The following PPEF2 variants were observed in gnomAD, a reference collection of about 807,000 sequenced individuals.
PPEF2 encodes the protein serine/threonine-protein phosphatase with EF-hands 2.
PPEF2 carries 84 observed loss-of-function variants against 84.7 expected under a neutral mutation model. The ratio of observed to expected loss-of-function variants is 0.99; its 90% confidence interval spans 0.83 to 1.19. The LOEUF is 1.19. PPEF2 is among the 50% of genes most tolerant of loss of function. The pLI, the probability that PPEF2 is intolerant of heterozygous loss-of-function variation, is 0.00. For missense variants in PPEF2, 924 were observed against 937.5 expected, an observed-to-expected ratio of 0.99 and a Z score of 0.19; for synonymous variants, 346 against 345.2, an observed-to-expected ratio of 1.00 and a Z score of -0.03.
intron 14 of PPEF2, among the ~76,000 whole-genome samples, 156 bp downstream of exon 14, chr4:75,867,157 A>C (rs1447284921): frequency 6.6e-6 from 1 of 152,206 alleles, no homozygotes; most frequent in Non-Finnish European, 1.5e-5. Context: ...TAGTTAGAAT[A>C]AATGAGACAT....
At position 75,876,519 on chromosome 4, in the gene PPEF2, G is replaced by A. The variant is rs1303282455; in HGVS notation, c.1088C>T (p.Ser363Phe). The A allele has an allele frequency of 2.5e-6, 4 of 1,614,016 alleles. No individual in the cohort carries two copies. In the East Asian group the frequency reaches 6.7e-5, roughly 27 times the overall value. The change falls in exon 11 of 17, where the codon TCC (serine) becomes TTC (phenylalanine). Residue 363 changes from serine to phenylalanine, a missense_variant. Transcript: ENST00000286719. ...CCTGCTGGTTTTCTGGGCCTTGTAG[G>A]AGCCAAGCCGAAGGGGCGAAGAGGG... Reference protein sequence around the residue: ...SLPSSPLRLGSYKAQKTSRSS... With the variant: ...SLPSSPLRLGFYKAQKTSRSS...
At chr4:75,896,119 C>T in intron 2 of PPEF2, 152 bp downstream of exon 2, 3 of 779,326 alleles carry the variant, frequency 3.8e-6, no homozygotes, top group Non-Finnish European at 6.7e-6. Context: ...TTTTGGTGGG[C>T]ATGTCACAAG....
chr4:75,883,126 T>C (rs1724621521), intron 9 of PPEF2, 40 bp downstream of exon 9: 1 of 1,613,766 alleles, frequency 6.2e-7, no homozygotes, highest in African/African-American at 1.3e-5. Flanking sequence ...ACTCAACTTA[T>C]CTGAACTGAG....
chr4:75,885,603 G>A (rs1052644156), intron 7 of PPEF2, among the ~76,000 whole-genome samples: 4 of 152,140 alleles, frequency 2.6e-5, no homozygotes, highest in Admixed American at 1.3e-4. Context: ...AGTGGCTCAC[G>A]CCTGTAATAC....
intron 16 of PPEF2, 68 bp from the exon 17 acceptor site, chr4:75,860,988 C>G: frequency 6.5e-7 from 1 of 1,541,186 alleles, no homozygotes; most frequent in Non-Finnish European, 8.9e-7. Flanking sequence ...CTCTGACATT[C>G]TTACAAGGAC....
chr4:75,870,623 T>C (rs1198432684), intron 13 of PPEF2, among the ~76,000 whole-genome samples: 10 of 152,172 alleles, frequency 6.6e-5, no homozygotes, highest in African/African-American at 1.2e-4. Context: ...TAGGAGGCAA[T>C]ATTGCATAGA....
rs1227287504 is a variant in PPEF2, at chr4:75,864,453, G to C, written c.1995C>G (p.Asp665Glu). 1.7e-5 allele frequency: 27 copies of C among 1,604,956 alleles called. No individual in the cohort carries two copies. The highest frequency in any genetic ancestry group is 2.2e-5 in the Non-Finnish European group (26 of 1,171,866). Residue 665 changes from aspartate to glutamate, a missense_variant, in exon 16 of 17, where the codon GAC (aspartate) becomes GAG (glutamate). Physicochemically the swap from Asp to Glu is conservative, Grantham distance 45. Coordinates refer to ENST00000286719, the MANE Select transcript of PPEF2 (RefSeq NM_006239.3). ...GAGTGCCTTTACCTGAATGATCACT[G>C]TCTATGATCCTAAAAATGGTCTCTA... The part of the protein sequence containing the change: ...SNLETIFRII[D>E]SDHSGFISLD...
chr4:75,888,459 G>A, intron 5 of PPEF2, 131 bp from the exon 6 acceptor site: 1 of 626,202 alleles, frequency 1.6e-6, no homozygotes, highest in East Asian at 2.8e-5. Flanking sequence ...ACTGCTCCTG[G>A]GACTATGCAC....
At chr4:75,881,966 G>A (rs957190923) in intron 10 of PPEF2, 2 of 152,172 alleles carry the variant, frequency 1.3e-5, no homozygotes, top group Non-Finnish European at 2.9e-5. Context: ...ATGTTGTCAT[G>A]GATGTTGTAG....
chr4:75,881,082 G>A (rs1724559815), intron 10 of PPEF2, among the ~76,000 whole-genome samples: 1 of 148,646 alleles, frequency 6.7e-6, no homozygotes, highest in Admixed American at 6.9e-5. Context: ...TTACAGGCAT[G>A]AGCCACCGCA....
intron 7 of PPEF2, 153 bp from the exon 8 acceptor site, chr4:75,884,913 G>C (rs2149223406): frequency 1.6e-6 from 1 of 641,212 alleles, no homozygotes; most frequent in East Asian, 2.8e-5. Context: ...GTAAATGATG[G>C]AAGTATCTTC....
Position 75,891,954 on chromosome 4 carries a change from T to A in PPEF2, c.80A>T (p.Gln27Leu). Residue 27 changes from glutamine (Q) to leucine (L), a missense_variant, in exon 3 of 17, where the codon CAG becomes CTG. By Grantham distance (113) the Gln-to-Leu change is moderately radical (BLOSUM62 -2). Coordinates refer to ENST00000286719, the MANE Select transcript of PPEF2 (RefSeq NM_006239.3). ...ERAFKAAALIQRWYRRYVARL... is the reference protein window; with the variant it reads ...ERAFKAAALILRWYRRYVARL... ...GGCCACGTAGCGCCGGTACCATCTC[T>A]GGATCAGGGCTGCTGCCTTGAAGGC... is the stretch of plus-strand genomic sequence containing the variant. 6.2e-7 allele frequency: 1 copy of A among 1,614,052 alleles called. No individual in the cohort carries two copies. The highest frequency in any genetic ancestry group is 1.1e-5 in the South Asian group (1 of 91,078).
chr4:75,867,177 T>C, intron 14 of PPEF2, 136 bp downstream of exon 14: 1 of 576,504 alleles, frequency 1.7e-6, no homozygotes, highest in Non-Finnish European at 3.0e-6. Context: ...TTAAGTTGAA[T>C]AAAATGGAGG....
In PPEF2 at chr4:75,860,565, A is replaced by G. The variant is rs1159233680; in HGVS notation, c.*102T>C. On this transcript the variant is annotated 3_prime_UTR_variant, in exon 17 of 17. Coordinates refer to ENST00000286719, the MANE Select transcript of PPEF2 (RefSeq NM_006239.3). ...TGATTCTGATGCATATGGATAGGTA[A>G]ATTTTCAGCATAAAGTTTCACATGG... 2.0e-6 allele frequency: 3 copies of G among 1,466,980 alleles called. No individual in the cohort carries two copies. The highest frequency in any genetic ancestry group is 2.8e-6 in the Non-Finnish European group (3 of 1,078,304). The allele number at this position is 1,466,980 out of a possible 1,614,324, so 90.9% of individuals were successfully genotyped here. A position where few individuals can be genotyped will look rare whatever the true frequency, so the allele number is the denominator to read the frequency against.
chr4:75,862,422 C>A lies in PPEF2; in HGVS notation c.2009-1502G>T, dbSNP rs892808907. 3.3e-5 allele frequency among the ~76,000 whole-genome samples: 5 copies of A among 151,688 alleles called. No individual in the cohort carries two copies. In the South Asian group the frequency reaches 8.4e-4, roughly 25 times the overall value. On this transcript the variant is annotated intron_variant, in intron 16 of 16. Coordinates refer to ENST00000286719, the MANE Select transcript of PPEF2 (RefSeq NM_006239.3). ...ATATGTCTGATACTATCCTAGTACC[C>A]AGAATATATGAATAACTCTTACAAC...
intron 10 of PPEF2, among the ~76,000 whole-genome samples, chr4:75,880,617 A>C (rs555727361): frequency 8.2e-4 from 125 of 152,156 alleles, no homozygotes; most frequent in Non-Finnish European, 1.5e-3. Context: ...GCCTCCAGAC[A>C]TACATGCAGC....
chr4:75,887,149 C>T (rs554238610), intron 6 of PPEF2, among the ~76,000 whole-genome samples: 6 of 152,172 alleles, frequency 3.9e-5, no homozygotes, highest in South Asian at 2.1e-4. Flanking sequence ...AGCAAAGATG[C>T]GATAGAATAG....
In PPEF2 at chr4:75,872,005, C is replaced by A; in HGVS notation, c.1649+20G>T. Reference sequence around the variant, plus strand: ...CACTATAATTTTTTTTTCTGAAAATCACTCATTGAAAAGTCTTGCCTTTGC... The same window carrying A: ...CACTATAATTTTTTTTTCTGAAAATAACTCATTGAAAAGTCTTGCCTTTGC... On this transcript the variant is annotated intron_variant, in intron 13 of 16. Transcript: ENST00000286719. The A allele has an allele frequency of 1.3e-6, 2 of 1,552,206 alleles. No homozygotes were observed. Among genetic ancestry groups the A allele is most frequent in the South Asian group, 1.2e-5 (1 of 82,538 alleles).
chr4:75,901,149 A>C (rs1205748190), intron 1 of PPEF2, among the ~76,000 whole-genome samples: 1 of 152,208 alleles, frequency 6.6e-6, no homozygotes, highest in Non-Finnish European at 1.5e-5. Flanking sequence ...CTGACTAAAT[A>C]GGTATCCCAT....
Sources: gnomAD v4.1 joint callset for allele counts (sites outside exome capture counted in the v4.1 genomes callset) on GRCh38, gnomAD v4.1.1 for gene constraint, MANE v1.5 for transcripts, NCBI Gene and HGNC (gene_info 2026-07-23, HGNC 2026-07-21) for gene names.